ABCD2: variants seen among roughly 807,000 people sequenced by gnomAD.
ABCD2 encodes ATP-binding cassette sub-family D member 2.
In ABCD2, 36 loss-of-function variants were observed where a neutral mutation model predicts 70.9. That is an observed-to-expected ratio of 0.51 (90% CI 0.39 to 0.67). The LOEUF (loss-of-function observed/expected upper bound fraction) is 0.67. ABCD2 is among the 30% of genes least tolerant of loss of function. The pLI, the probability that ABCD2 is intolerant of heterozygous loss-of-function variation, is 0.00. For missense variants in ABCD2, 729 were observed against 890.2 expected, an observed-to-expected ratio of 0.82 and a Z score of 2.30; for synonymous variants, 304 against 306.9, an observed-to-expected ratio of 0.99 and a Z score of 0.10.
At chr12:39,565,888 T>C (rs551467933) in intron 9 of ABCD2, among the ~76,000 whole-genome samples, 18 of 152,248 alleles carry the variant, frequency 1.2e-4, no homozygotes, top group African/African-American at 4.3e-4. Context: ...TGAGATAATC[T>C]TATGGTTTTT....
At chr12:39,563,680 G>T (rs1352852001) in intron 9 of ABCD2, among the ~76,000 whole-genome samples, 3 of 152,050 alleles carry the variant, frequency 2.0e-5, no homozygotes, top group South Asian at 4.1e-4. Flanking sequence ...CAACATGCAG[G>T]TTAGTTACAT....
Position 39,607,481 on chromosome 12 carries a change from C to T in ABCD2, c.1236+118G>A. On this transcript the variant is annotated intron_variant, in intron 3 of 9. Coordinates refer to ENST00000308666, the MANE Select transcript of ABCD2 (RefSeq NM_005164.4). ...TGCCCTTAATCTTGATTATACGCAG[C>T]AATTTTTGGCAGAGAAAAGATATGT... The T allele has an allele frequency of 5.3e-6, 4 of 749,488 alleles. No individual in the cohort carries two copies. In the South Asian group the frequency reaches 5.6e-5, roughly 10 times the overall value. 46.4% of individuals were successfully genotyped at this position (749,488 alleles called of 1,614,324 possible).
chr12:39,531,141 T>G, the ABCD2 span, among the ~76,000 whole-genome samples: 80 of 152,310 alleles, frequency 5.3e-4, no homozygotes, highest in African/African-American at 1.9e-3. Flanking sequence ...AAACCTGCCC[T>G]GTTGAGCTTA....
At chr12:39,597,364 G>C (rs766462881) in intron 6 of ABCD2, among the ~76,000 whole-genome samples, 4 of 152,074 alleles carry the variant, frequency 2.6e-5, no homozygotes, top group African/African-American at 9.7e-5. Context: ...TAAAAGGGTG[G>C]GTTTAGGGGC....
intron 6 of ABCD2, among the ~76,000 whole-genome samples, chr12:39,591,123 C>T (rs1011880278): frequency 8.5e-5 from 13 of 152,170 alleles, no homozygotes; most frequent in South Asian, 2.1e-4. Flanking sequence ...GCTGTGTTGT[C>T]GTAGCAAAAG....
At chr12:39,598,546 A>G (rs918081792) in intron 6 of ABCD2, among the ~76,000 whole-genome samples, 4 of 152,004 alleles carry the variant, frequency 2.6e-5, no homozygotes, top group Admixed American at 2.0e-4. Context: ...GATTACAGGC[A>G]CGCACCACCA....
intron 9 of ABCD2, among the ~76,000 whole-genome samples, chr12:39,561,129 C>A (rs772887441): frequency 6.6e-6 from 1 of 152,010 alleles, no homozygotes; most frequent in Non-Finnish European, 1.5e-5. Context: ...GGTGCAGTGG[C>A]TCACGTCTGT....
chr12:39,573,901 T>C (rs1941482270), intron 8 of ABCD2, 60 bp from the exon 9 acceptor site: 1 of 1,509,694 alleles, frequency 6.6e-7, no homozygotes, highest in Admixed American at 1.9e-5. Flanking sequence ...AGTTTTTCTT[T>C]GGACAATATG....
intron 9 of ABCD2, among the ~76,000 whole-genome samples, chr12:39,566,689 C>A (rs1260594803): frequency 6.6e-6 from 1 of 152,106 alleles, no homozygotes; most frequent in African/African-American, 2.4e-5. Context: ...AATGTGTTTG[C>A]TCTTGCTCCT....
intron 2 of ABCD2, among the ~76,000 whole-genome samples, chr12:39,615,080 A>G (rs1422118887): frequency 6.6e-6 from 1 of 151,718 alleles, no homozygotes. Flanking sequence ...ATATTATTAC[A>G]TCTTGTTAAA....
At chr12:39,609,598 A>G (rs1183563818) in intron 2 of ABCD2, among the ~76,000 whole-genome samples, 1 of 152,140 alleles carries the variant, frequency 6.6e-6, no homozygotes, top group Non-Finnish European at 1.5e-5. Flanking sequence ...TGGTCCTTCT[A>G]TACATTATCT....
chr12:39,535,292 C>T, the ABCD2 span, among the ~76,000 whole-genome samples: 1 of 152,118 alleles, frequency 6.6e-6, no homozygotes, highest in Non-Finnish European at 1.5e-5. Context: ...AATAAGGAAA[C>T]TACATATTTA....
intron 9 of ABCD2, among the ~76,000 whole-genome samples, chr12:39,569,900 A>C (rs1275823154): frequency 6.6e-6 from 1 of 152,226 alleles, no homozygotes; most frequent in Non-Finnish European, 1.5e-5. Flanking sequence ...TGCAAGATAC[A>C]AAATCAGTAT....
At chr12:39,615,506 T>G (rs2120785709) in intron 2 of ABCD2, among the ~76,000 whole-genome samples, 1 of 152,136 alleles carries the variant, frequency 6.6e-6, no homozygotes, top group South Asian at 2.1e-4. Flanking sequence ...AATATAAACT[T>G]TTTAAAATTA....
At chr12:39,598,117 A>G (rs1421399482) in intron 6 of ABCD2, among the ~76,000 whole-genome samples, 1 of 152,218 alleles carries the variant, frequency 6.6e-6, no homozygotes, top group Non-Finnish European at 1.5e-5. Context: ...TCTTCCGTAT[A>G]CTACATGACA....
intron 3 of ABCD2, among the ~76,000 whole-genome samples, chr12:39,607,055 C>G (rs1406022678): frequency 2.0e-5 from 3 of 151,924 alleles, no homozygotes; most frequent in Non-Finnish European, 4.4e-5. Flanking sequence ...AGGAAGAATG[C>G]GGAATGGTAA....
At chr12:39,576,309 G>A (rs868566359) in intron 8 of ABCD2, among the ~76,000 whole-genome samples, 30 of 152,028 alleles carry the variant, frequency 2.0e-4, no homozygotes, top group Admixed American at 2.0e-4. Flanking sequence ...ATAGGCGCCC[G>A]CCACCATGCC....
At chr12:39,537,063 T>TC in the ABCD2 span, among the ~76,000 whole-genome samples, 30 of 152,012 alleles carry the variant, frequency 2.0e-4, no homozygotes, top group African/African-American at 7.0e-4. Flanking sequence ...TTTTTTTTTT[T>TC]CTCTGTGTGC....
intron 2 of ABCD2, 30 bp from the exon 3 acceptor site, chr12:39,607,744 A>ATTT: frequency 1.7e-4 from 132 of 788,516 alleles, no homozygotes; most frequent in East Asian, 2.3e-4. Context: ...ACAAAACTTG[A>ATTT]GTTTTTTTTT....
Sources: gnomAD v4.1 joint callset for allele counts (sites outside exome capture counted in the v4.1 genomes callset) on GRCh38, gnomAD v4.1.1 for gene constraint, MANE v1.5 for transcripts, NCBI Gene and HGNC (gene_info 2026-07-23, HGNC 2026-07-21) for gene names.